The following RHOJ variants were observed in gnomAD, a reference collection of about 807,000 sequenced individuals.
RHOJ encodes the protein ras homolog family member J, also known as rho-related GTP-binding protein RhoJ.
In RHOJ, 11 loss-of-function variants were observed where a neutral mutation model predicts 23.4. The ratio of observed to expected loss-of-function variants is 0.47; its 90% confidence interval spans 0.30 to 0.78. RHOJ has a LOEUF of 0.78. Among genes scored for constraint, RHOJ ranks in the 30% least tolerant of loss-of-function variants. The pLI, the probability that RHOJ is intolerant of heterozygous loss-of-function variation, is 0.08. For synonymous variants in RHOJ, 102 were observed against 102.7 expected (o/e 0.99, Z 0.04); for missense variants, 254 against 273.4 (o/e 0.93, Z 0.50).
At chr14:63,248,462 C>A (rs543595249) in intron 1 of RHOJ, among the ~76,000 whole-genome samples, 2 of 152,206 alleles carry the variant, frequency 1.3e-5, no homozygotes, top group Admixed American at 6.5e-5. Flanking sequence ...AGCTCTTTTC[C>A]ATTTTAGCTC....
intron 1 of RHOJ, among the ~76,000 whole-genome samples, chr14:63,230,378 A>G (rs752218969): frequency 1.4e-4 from 21 of 152,028 alleles, no homozygotes; most frequent in Admixed American, 3.9e-4. Flanking sequence ...CCCTATAACT[A>G]TGTTTAAGTT....
chr14:63,281,279 T>G, intron 3 of RHOJ, 144 bp downstream of exon 3: 1 of 735,392 alleles, frequency 1.4e-6, no homozygotes. Context: ...TCTTAAGGTG[T>G]GCGTGATGAT....
At chr14:63,252,606 A>C (rs1895091747) in intron 1 of RHOJ, among the ~76,000 whole-genome samples, 1 of 152,194 alleles carries the variant, frequency 6.6e-6, no homozygotes, top group Non-Finnish European at 1.5e-5. Flanking sequence ...CTGTGATGAA[A>C]GAAGATCTTG....
chr14:63,204,992 C>G lies in RHOJ; in HGVS notation c.123C>G (p.Tyr41Ter). 2 of 1,614,206 alleles carry G rather than the reference C, an allele frequency of 1.2e-6. No homozygotes were observed. The highest frequency in any genetic ancestry group is 1.1e-5 in the South Asian group (1 of 91,078). Residue 41 changes from tyrosine to a stop codon, truncating the protein, a stop_gained, in exon 1 of 5, where the codon TAC becomes TAG. Coordinates refer to ENST00000316754, the MANE Select transcript of RHOJ (RefSeq NM_020663.5). LOFTEE classifies it high-confidence loss of function. ...GGAAAACCTGCCTGCTGATGAGCTA[C>G]GCCAACGACGCCTTCCCAGAGGAAT... ...AVGKTCLLMS[Y>*]ANDAFPEEYV...
chr14:63,256,888 A>G (rs1044758368), intron 1 of RHOJ, among the ~76,000 whole-genome samples: 1 of 152,078 alleles, frequency 6.6e-6, no homozygotes, highest in Non-Finnish European at 1.5e-5. Flanking sequence ...CCTGACGAAC[A>G]TGGTGAAACT....
At chr14:63,210,886 G>A (rs1173790512) in intron 1 of RHOJ, among the ~76,000 whole-genome samples, 1 of 152,122 alleles carries the variant, frequency 6.6e-6, no homozygotes, top group African/African-American at 2.4e-5. Flanking sequence ...TTTTGTCTGT[G>A]AATCTTTCTT....
rs556810270 is a variant in RHOJ, at chr14:63,209,211, C to G, written c.178+4164C>G. Among the ~76,000 whole-genome samples, 317 of 152,262 alleles carry G rather than the reference C, an allele frequency of 2.1e-3. 2 individuals are homozygous for G. The highest frequency in any genetic ancestry group is 1.8e-3 in the Non-Finnish European group (125 of 68,024). ...TCCCAATTCCCTACTTCCAATCTTG[C>G]CCCCTATCATCAATTCTCCACATAG... On this transcript the variant is annotated intron_variant, in intron 1 of 4. Coordinates refer to ENST00000316754, the MANE Select transcript of RHOJ (RefSeq NM_020663.5).
intron 1 of RHOJ, among the ~76,000 whole-genome samples, chr14:63,230,834 T>G (rs1894679127): frequency 2.1e-5 from 3 of 145,358 alleles, no homozygotes; most frequent in African/African-American, 5.3e-5. Context: ...TTTACAAGGG[T>G]ACAAGGCTTT....
chr14:63,255,173 C>A (rs1018214288), intron 1 of RHOJ, among the ~76,000 whole-genome samples: 31 of 152,110 alleles, frequency 2.0e-4, no homozygotes, highest in African/African-American at 7.5e-4. Flanking sequence ...CCTGAGGTAA[C>A]CATCAGCCCT....
chr14:63,287,551 C>A (rs1221808720), intron 4 of RHOJ, among the ~76,000 whole-genome samples: 3 of 151,702 alleles, frequency 2.0e-5, no homozygotes, highest in East Asian at 1.9e-4. Flanking sequence ...CCAACTAGAA[C>A]AACATGGAAG....
chr14:63,269,247 C>A, intron 2 of RHOJ, 79 bp downstream of exon 2: 1 of 1,000,840 alleles, frequency 1.0e-6, no homozygotes, highest in Non-Finnish European at 1.6e-6. Context: ...GCAGATGGGA[C>A]TCATAGCACA....
chr14:63,247,771 T>C (rs189517548), intron 1 of RHOJ, among the ~76,000 whole-genome samples: 4 of 152,328 alleles, frequency 2.6e-5, no homozygotes, highest in African/African-American at 9.6e-5. Context: ...TGTATTAGTC[T>C]GTTTTCATGC....
chr14:63,210,436 T>C (rs902656813), intron 1 of RHOJ, among the ~76,000 whole-genome samples: 2 of 152,228 alleles, frequency 1.3e-5, no homozygotes, highest in Admixed American at 6.5e-5. Flanking sequence ...TATTTCAGAG[T>C]AACCCTAAGT....
At chr14:63,257,422 G>A (rs1895189644) in intron 1 of RHOJ, among the ~76,000 whole-genome samples, 1 of 149,730 alleles carries the variant, frequency 6.7e-6, no homozygotes, top group South Asian at 2.1e-4. Flanking sequence ...CCAGATGAAG[G>A]GTCATAGGTC....
At position 63,291,028 on chromosome 14, in the gene RHOJ, T is replaced by C. The variant is rs369012669; in HGVS notation, c.*4T>C. ...CAGCTGCTGTTCAATTATCTGAGGT[T>C]GTCTGGGACCTGCCTCCACCCCATC... On this transcript the variant is annotated 3_prime_UTR_variant, in exon 5 of 5. Transcript: ENST00000316754. 3.0e-5 allele frequency: 48 copies of C among 1,613,950 alleles called. No homozygotes were observed. The highest frequency in any genetic ancestry group is 3.5e-5 in the Non-Finnish European group (41 of 1,179,994).
intron 1 of RHOJ, among the ~76,000 whole-genome samples, chr14:63,228,257 T>C (rs1165161147): frequency 6.6e-6 from 1 of 152,240 alleles, no homozygotes; most frequent in Non-Finnish European, 1.5e-5. Flanking sequence ...AACTCATCCA[T>C]TGATTGATGG....
chr14:63,253,021 T>C (rs1895099132), intron 1 of RHOJ, among the ~76,000 whole-genome samples: 1 of 152,242 alleles, frequency 6.6e-6, no homozygotes, highest in South Asian at 2.1e-4. Context: ...TTTTAGACAA[T>C]TTTTCTAGCT....
chr14:63,252,622 C>A (rs1471590093), intron 1 of RHOJ, among the ~76,000 whole-genome samples: 1 of 152,128 alleles, frequency 6.6e-6, no homozygotes, highest in Non-Finnish European at 1.5e-5. Context: ...TCTTGTTATT[C>A]CTCCTGCCTA....
At chr14:63,282,084 C>T (rs894142349) in intron 3 of RHOJ, among the ~76,000 whole-genome samples, 12 of 152,134 alleles carry the variant, frequency 7.9e-5, no homozygotes, top group South Asian at 4.1e-4. Context: ...TCATAGTTAA[C>T]GCTTCTGCTC....
Sources: allele counts gnomAD v4.1 joint callset (sites outside exome capture counted in the v4.1 genomes callset), GRCh38; gene constraint gnomAD v4.1.1; transcripts MANE v1.5; gene names NCBI Gene and HGNC (gene_info 2026-07-23, HGNC 2026-07-21).